GXYLT2: variants seen among roughly 807,000 people sequenced by gnomAD.
GXYLT2 encodes the protein glucoside xylosyltransferase 2.
GXYLT2 carries 53 observed loss-of-function variants against 45.8 expected under a neutral mutation model. The observed-to-expected ratio is 1.16, with a 90% CI of 0.93 to 1.46. The LOEUF (loss-of-function observed/expected upper bound fraction) is 1.46. Among genes scored for constraint, GXYLT2 ranks in the 40% most tolerant of loss-of-function variants. The pLI, the probability that GXYLT2 is intolerant of heterozygous loss-of-function variation, is 0.00. For synonymous variants in GXYLT2, 219 were observed against 214.2 expected (o/e 1.02, Z -0.19); for missense variants, 551 against 544.4 (o/e 1.01, Z -0.12).
intron 1 of GXYLT2, 25 bp downstream of exon 1, chr3:72,888,533 C>T (rs1709113160): frequency 1.8e-5 from 22 of 1,202,378 alleles, no homozygotes; most frequent in Non-Finnish European, 2.3e-5. Flanking sequence ...CCCCAGAATC[C>T]CATCTGCGGA....
At chr3:72,896,009 A>G (rs1709284919) in intron 1 of GXYLT2, among the ~76,000 whole-genome samples, 1 of 152,222 alleles carries the variant, frequency 6.6e-6, no homozygotes, top group Non-Finnish European at 1.5e-5. Flanking sequence ...GTGAAATAAT[A>G]ATGTACATAA....
chr3:72,967,533 C>G lies in GXYLT2; in HGVS notation c.977-14C>G, dbSNP rs752183010. 3.2e-5 allele frequency: 51 copies of G among 1,609,772 alleles called. No individual in the cohort carries two copies. The highest frequency in any genetic ancestry group is 4.1e-5 in the Non-Finnish European group (48 of 1,176,972). The stretch of plus-strand genomic sequence containing the variant: ...TAACCGTGGACATATATGTCTTTCT[C>G]TTTTTACCACCAGAGTGTCTCTATG... On this transcript the variant is annotated splice_polypyrimidine_tract_variant and intron_variant, in intron 5 of 6. Transcript: ENST00000389617.
intron 2 of GXYLT2, among the ~76,000 whole-genome samples, chr3:72,909,062 C>CTT (rs71126804): frequency 0.036 from 3,287 of 90,932 alleles, 236 homozygotes; most frequent in African/African-American, 0.093. Context: ...TTCTTCCTTT[C>CTT]TTTTTTTTTT....
At chr3:72,963,832 C>G (rs1374734971) in intron 5 of GXYLT2, among the ~76,000 whole-genome samples, 1 of 152,048 alleles carries the variant, frequency 6.6e-6, no homozygotes, top group Non-Finnish European at 1.5e-5. Flanking sequence ...GCCACCACGC[C>G]CAGCTAATTT....
chr3:72,888,448 C>T lies in GXYLT2; in HGVS notation c.215C>T (p.Pro72Leu), dbSNP rs953079287. Residue 72 changes from proline to leucine, a missense_variant, in exon 1 of 7, where the codon CCC (proline) becomes CTC (leucine). Transcript: ENST00000389617. ...AGCCCGGGAGTTCGGAGGCGCCGGC[C>T]CCCGCGTCCGCGCCCCCGAGCGGGC... ...GASPGVRRRRPPRPRPRAGRR... is the reference protein window; with the variant it reads ...GASPGVRRRRLPRPRPRAGRR... 8 of 1,208,000 alleles carry T rather than the reference C, an allele frequency of 6.6e-6. No individual in the cohort carries two copies. The African/African-American group carries it at 1.1e-4, about 17-fold the overall frequency. 74.8% of individuals were successfully genotyped at this position (1,208,000 alleles called of 1,614,324 possible).
intron 3 of GXYLT2, among the ~76,000 whole-genome samples, chr3:72,938,797 G>T (rs1710240666): frequency 6.6e-6 from 1 of 152,220 alleles, no homozygotes; most frequent in Non-Finnish European, 1.5e-5. Flanking sequence ...TGGCCACACA[G>T]CTGAAATGAT....
intron 3 of GXYLT2, among the ~76,000 whole-genome samples, chr3:72,926,205 T>C (rs1336574267): frequency 1.3e-5 from 2 of 152,234 alleles, no homozygotes; most frequent in East Asian, 3.8e-4. Context: ...AGACCCTTTC[T>C]CAACTAAGAT....
At chr3:72,930,357 C>T (rs1392130878) in intron 3 of GXYLT2, among the ~76,000 whole-genome samples, 4 of 151,664 alleles carry the variant, frequency 2.6e-5, no homozygotes, top group Non-Finnish European at 5.9e-5. Flanking sequence ...CAAAAATTAG[C>T]TGGGCGTGGT....
At chr3:72,898,105 T>C (rs1031505174) in intron 1 of GXYLT2, among the ~76,000 whole-genome samples, 1 of 152,376 alleles carries the variant, frequency 6.6e-6, no homozygotes, top group Admixed American at 6.5e-5. Context: ...TTGCTAGTGG[T>C]ATTTAAAATT....
intron 1 of GXYLT2, among the ~76,000 whole-genome samples, chr3:72,894,073 G>C (rs1209670603): frequency 2.6e-5 from 4 of 152,184 alleles, no homozygotes; most frequent in Non-Finnish European, 5.9e-5. Context: ...TTAAACAAAA[G>C]ACTCCATCTT....
intron 1 of GXYLT2, among the ~76,000 whole-genome samples, chr3:72,904,430 G>A (rs1009703191): frequency 1.3e-5 from 2 of 152,176 alleles, no homozygotes; most frequent in African/African-American, 4.8e-5. Flanking sequence ...ATAGGGTGAG[G>A]CCAGCAAAGG....
chr3:72,907,366 T>C (rs1020649358), intron 1 of GXYLT2, among the ~76,000 whole-genome samples: 9 of 152,224 alleles, frequency 5.9e-5, no homozygotes, highest in African/African-American at 2.2e-4. Flanking sequence ...CAGTGAATAA[T>C]GGAGCAGCAA....
intron 2 of GXYLT2, among the ~76,000 whole-genome samples, chr3:72,909,038 T>TTTGC (rs1470885054): frequency 6.6e-6 from 1 of 150,590 alleles, no homozygotes; most frequent in East Asian, 2.0e-4. Flanking sequence ...CGTTTTTTCC[T>TTTGC]TTTCTTTCTT....
At chr3:72,911,993 G>A (rs7617038) in intron 2 of GXYLT2, among the ~76,000 whole-genome samples, 5,913 of 122,662 alleles carry the variant, frequency 0.048, 350 homozygotes, top group African/African-American at 0.17. Context: ...GTGTGTGTGT[G>A]TATATATATA....
intron 3 of GXYLT2, among the ~76,000 whole-genome samples, chr3:72,930,251 T>C (rs1710002826): frequency 6.6e-6 from 1 of 151,566 alleles, no homozygotes; most frequent in Non-Finnish European, 1.5e-5. Flanking sequence ...GAGGTGTTCA[T>C]GCCTGTAATT....
chr3:72,905,823 T>C (rs182614023), intron 1 of GXYLT2, among the ~76,000 whole-genome samples: 14 of 152,302 alleles, frequency 9.2e-5, no homozygotes, highest in Admixed American at 8.5e-4. Flanking sequence ...CTTTGTAGTT[T>C]TTGCCAATCT....
intron 2 of GXYLT2, among the ~76,000 whole-genome samples, chr3:72,912,419 G>C (rs1055670960): frequency 6.6e-6 from 1 of 152,110 alleles, no homozygotes; most frequent in Non-Finnish European, 1.5e-5. Flanking sequence ...AAAGTACTGG[G>C]ATTATAGGCA....
chr3:72,922,148 A>G, intron 2 of GXYLT2, 56 bp from the exon 3 acceptor site: 2 of 1,540,112 alleles, frequency 1.3e-6, no homozygotes, highest in Non-Finnish European at 1.8e-6. Context: ...CTTCGCAGGC[A>G]TTTTCCATAT....
chr3:72,901,162 G>A (rs1297548623), intron 1 of GXYLT2, among the ~76,000 whole-genome samples: 1 of 152,038 alleles, frequency 6.6e-6, no homozygotes, highest in Non-Finnish European at 1.5e-5. Flanking sequence ...GGTGGCAGGT[G>A]CCTGTAGTCC....
Sources: gnomAD v4.1 joint callset for allele counts (sites outside exome capture counted in the v4.1 genomes callset) on GRCh38, gnomAD v4.1.1 for gene constraint, MANE v1.5 for transcripts, NCBI Gene and HGNC (gene_info 2026-07-23, HGNC 2026-07-21) for gene names.